Variants in CHCHD3 observed in about 807,000 individuals in gnomAD.
CHCHD3 encodes MICOS complex subunit MIC19.
A neutral mutation model predicts 38.2 loss-of-function variants in CHCHD3; 20 were observed. The ratio of observed to expected loss-of-function variants is 0.52; its 90% confidence interval spans 0.37 to 0.76. CHCHD3 has a LOEUF of 0.76. CHCHD3 is among the 30% of genes least tolerant of loss of function. The pLI is 0.00. For missense variants in CHCHD3, 245 were observed against 279.2 expected (o/e 0.88, Z 0.87); for synonymous variants, 82 against 100.0 (o/e 0.82, Z 1.07).
Position 132,985,208 on chromosome 7 carries a change from T to C in CHCHD3, c.252-9922A>G, listed in dbSNP as rs1404263842. On this transcript the variant is annotated intron_variant, in intron 3 of 7. Coordinates refer to ENST00000262570, the MANE Select transcript of CHCHD3 (RefSeq NM_017812.4). Reference sequence around the variant, plus strand: ...CCGTCCGGAAGGGAGGTGGGGGGGTTAGCCCCCCGCCCGGCCAGCCGCCCC... The same window carrying C: ...CCGTCCGGAAGGGAGGTGGGGGGGTCAGCCCCCCGCCCGGCCAGCCGCCCC... Among the ~76,000 whole-genome samples, 37 of 43,174 alleles carry C rather than the reference T, an allele frequency of 8.6e-4. 2 individuals are homozygous for C. The highest frequency in any genetic ancestry group is 1.4e-3 in the African/African-American group (16 of 11,516). The allele number at this position is 43,174 out of a possible 152,430, so 28.3% of individuals were successfully genotyped here.
intron 6 of CHCHD3, among the ~76,000 whole-genome samples, chr7:132,798,084 G>C (rs1280984730): frequency 6.6e-6 from 1 of 152,062 alleles, no homozygotes; most frequent in Non-Finnish European, 1.5e-5. Context: ...GGAAACGCCT[G>C]GGTGATGATT....
intron 3 of CHCHD3, chr7:133,022,413 T>C (rs1466618392): frequency 6.6e-6 from 3 of 456,564 alleles, no homozygotes; most frequent in South Asian, 3.1e-5. Flanking sequence ...TACAATAACG[T>C]ATACATGTTC....
intron 4 of CHCHD3, among the ~76,000 whole-genome samples, chr7:132,959,998 G>C (rs1408026228): frequency 6.6e-6 from 1 of 152,170 alleles, no homozygotes; most frequent in Non-Finnish European, 1.5e-5. Context: ...CGTATCTCCA[G>C]AATAGAGCTT....
chr7:132,900,174 G>C (rs929450289), intron 4 of CHCHD3, among the ~76,000 whole-genome samples: 3 of 18,220 alleles, frequency 1.6e-4, no homozygotes, highest in African/African-American at 7.6e-4. Context: ...AAATAGGTAA[G>C]ATTGGGGCTG....
rs751550849 is a variant in CHCHD3 at position 132,785,483 on chromosome 7, G to A, written c.*154C>T. 1.9e-5 allele frequency: 14 copies of A among 744,002 alleles called. No homozygotes were observed. The highest frequency in any genetic ancestry group is 8.7e-5 in the South Asian group (5 of 57,184). The allele number at this position is 744,002 out of a possible 1,614,324, so 46.1% of individuals were successfully genotyped here. ...CCTTCAAACTGCTGCTGTTCAAAAC[G>A]TGAAATGATTCTGCTGAATCCATTC... On this transcript the variant is annotated 3_prime_UTR_variant, in exon 8 of 8. Transcript: ENST00000262570.
At chr7:132,875,040 G>A (rs888747260) in intron 5 of CHCHD3, among the ~76,000 whole-genome samples, 1 of 151,852 alleles carries the variant, frequency 6.6e-6, no homozygotes. Flanking sequence ...TTACATCCTA[G>A]GATGCAAGCT....
chr7:133,006,427 GCT>G (rs1158625997), intron 3 of CHCHD3, among the ~76,000 whole-genome samples: 2 of 151,622 alleles, frequency 1.3e-5, no homozygotes, highest in Non-Finnish European at 2.9e-5. Flanking sequence ...AGATCGCGCC[GCT>G]GCACTCCAGC....
chr7:133,080,864 T>C (rs1584693608), intron 1 of CHCHD3, among the ~76,000 whole-genome samples: 1 of 152,244 alleles, frequency 6.6e-6, no homozygotes, highest in East Asian at 1.9e-4. Context: ...TAAAAATAAT[T>C]TACAAATGTA....
chr7:133,026,390 T>C (rs1323493031), intron 2 of CHCHD3, among the ~76,000 whole-genome samples: 1 of 152,110 alleles, frequency 6.6e-6, no homozygotes, highest in South Asian at 2.1e-4. Flanking sequence ...TTGGTGAAGA[T>C]GTAAAGAAAT....
chr7:132,829,280 C>CATTT (rs1807580085), intron 6 of CHCHD3, among the ~76,000 whole-genome samples: 1 of 152,090 alleles, frequency 6.6e-6, no homozygotes, highest in African/African-American at 2.4e-5. Flanking sequence ...AGAATGATCT[C>CATTT]ATTTAAAATA....
At position 133,044,924 on chromosome 7, in the gene CHCHD3, TG is replaced by T. The variant is rs1359412947; in HGVS notation, c.170-20298del. On this transcript the variant is annotated intron_variant, in intron 2 of 7. Coordinates refer to ENST00000262570, the MANE Select transcript of CHCHD3 (RefSeq NM_017812.4). ...CAAGTCCTGCAGCTCTGATCCAGGA[TG>T]CTGGCCTGGGGAAAGCAACGCACAT... Among the ~76,000 whole-genome samples, 6 of 152,352 alleles carry T rather than the reference TG, an allele frequency of 3.9e-5. No homozygotes were observed. In the East Asian group the frequency reaches 7.7e-4, roughly 20 times the overall value.
chr7:132,992,150 G>C (rs566198343), intron 3 of CHCHD3, among the ~76,000 whole-genome samples: 14 of 152,298 alleles, frequency 9.2e-5, no homozygotes, highest in African/African-American at 2.9e-4. Context: ...TTTCCCATTT[G>C]CTTCCTATCG....
chr7:132,793,129 T>C (rs1585518141), intron 7 of CHCHD3, among the ~76,000 whole-genome samples: 1 of 152,146 alleles, frequency 6.6e-6, no homozygotes. Context: ...TCCTGTAAGG[T>C]AGGTGGTGTG....
At chr7:132,967,498 T>C (rs1384584680) in intron 4 of CHCHD3, among the ~76,000 whole-genome samples, 1 of 152,054 alleles carries the variant, frequency 6.6e-6, no homozygotes. Context: ...GTTAAGATCC[T>C]AGGTATTTCT....
At chr7:132,910,493 G>A (rs941568914) in intron 4 of CHCHD3, among the ~76,000 whole-genome samples, 1 of 152,160 alleles carries the variant, frequency 6.6e-6, no homozygotes, top group African/African-American at 2.4e-5. Flanking sequence ...TTTTGACAGA[G>A]AATGGTGAAT....
At chr7:132,946,136 A>T (rs1026893928) in intron 4 of CHCHD3, among the ~76,000 whole-genome samples, 3 of 151,730 alleles carry the variant, frequency 2.0e-5, no homozygotes, top group Non-Finnish European at 4.4e-5. Context: ...TTAAGGAATA[A>T]TTCAATTTAA....
intron 7 of CHCHD3, among the ~76,000 whole-genome samples, chr7:132,793,114 A>G (rs1585518120): frequency 6.6e-6 from 1 of 151,868 alleles, no homozygotes; most frequent in Admixed American, 6.6e-5. Flanking sequence ...GCTCCTTTCC[A>G]TTTCTCCTGT....
At chr7:133,013,966 T>C (rs933647034) in intron 3 of CHCHD3, among the ~76,000 whole-genome samples, 16 of 152,132 alleles carry the variant, frequency 1.1e-4, no homozygotes, top group African/African-American at 3.9e-4. Context: ...TCGGTAGAAA[T>C]AATGGAAGAA....
At chr7:132,972,967 C>T (rs540691669) in intron 4 of CHCHD3, 2 of 985,426 alleles carry the variant, frequency 2.0e-6, no homozygotes, top group Non-Finnish European at 2.4e-6. Context: ...TGCAGATATG[C>T]TATTCCAATC....
Sources: allele counts gnomAD v4.1 joint callset (sites outside exome capture counted in the v4.1 genomes callset), GRCh38; gene constraint gnomAD v4.1.1; transcripts MANE v1.5; gene names NCBI Gene and HGNC (gene_info 2026-07-23, HGNC 2026-07-21).